COLEC10: variants seen among roughly 807,000 people sequenced by gnomAD.
COLEC10 encodes collectin subfamily member 10, also known as collectin-10.
Under a neutral mutation model 28.4 loss-of-function variants are expected in COLEC10, and 22 were observed. The ratio of observed to expected loss-of-function variants is 0.78; its 90% CI spans 0.55 to 1.11. The LOEUF is 1.11. COLEC10 is among the 50% of genes least tolerant of loss of function. COLEC10 has a pLI of 0.00. For missense variants in COLEC10, 361 were observed against 344.1 expected, an observed-to-expected ratio of 1.05 and a Z score of -0.39; for synonymous variants, 125 against 116.1, an observed-to-expected ratio of 1.08 and a Z score of -0.49.
the COLEC10 span, among the ~76,000 whole-genome samples, chr8:118,982,335 C>T: frequency 1.3e-5 from 2 of 152,056 alleles, no homozygotes; most frequent in Non-Finnish European, 2.9e-5. Context: ...AAAAGAAAAA[C>T]TCAAAATGAA....
chr8:119,089,853 C>A, intron 2 of COLEC10, 102 bp downstream of exon 2: 1 of 840,908 alleles, frequency 1.2e-6, no homozygotes, highest in Non-Finnish European at 1.9e-6. Flanking sequence ...ATGCCCTCTG[C>A]CCCAACAATG....
chr8:119,092,457 C>T (rs1245397537), intron 3 of COLEC10, among the ~76,000 whole-genome samples: 2 of 152,158 alleles, frequency 1.3e-5, no homozygotes, highest in African/African-American at 4.8e-5. Context: ...CCCTGTCCTC[C>T]TCTCAGAAAG....
chr8:118,958,868 T>C, the COLEC10 span, among the ~76,000 whole-genome samples: 1 of 152,224 alleles, frequency 6.6e-6, no homozygotes, highest in Non-Finnish European at 1.5e-5. Flanking sequence ...ATCATTATAC[T>C]AACCAAGTAT....
intron 2 of COLEC10, among the ~76,000 whole-genome samples, chr8:119,021,331 A>G (rs1328329340): frequency 6.6e-6 from 1 of 152,208 alleles, no homozygotes; most frequent in Non-Finnish European, 1.5e-5. Context: ...GCTGTGTAGC[A>G]CTGCAGACTT....
At chr8:119,096,080 A>G (rs1815710539) in intron 3 of COLEC10, among the ~76,000 whole-genome samples, 1 of 152,178 alleles carries the variant, frequency 6.6e-6, no homozygotes, top group Non-Finnish European at 1.5e-5. Context: ...TCTCGATCCC[A>G]TACTTAACAC....
chr8:119,045,157 T>C (rs1214030869), intron 2 of COLEC10, among the ~76,000 whole-genome samples: 1 of 152,220 alleles, frequency 6.6e-6, no homozygotes, highest in Non-Finnish European at 1.5e-5. Context: ...ATAAGTAACG[T>C]AAAGAATTAT....
At chr8:119,013,497 G>C (rs1170456350) in intron 2 of COLEC10, among the ~76,000 whole-genome samples, 1 of 150,666 alleles carries the variant, frequency 6.6e-6, no homozygotes, top group South Asian at 2.1e-4. Context: ...TAGTGTGGTT[G>C]AGTTCAACTC....
chr8:119,090,092 T>C (rs1292438900), intron 2 of COLEC10, among the ~76,000 whole-genome samples: 1 of 37,218 alleles, frequency 2.7e-5, no homozygotes, highest in East Asian at 5.7e-4. Context: ...TAAGCAGCAT[T>C]TTTTTTTTAA....
intron 1 of COLEC10, among the ~76,000 whole-genome samples, chr8:119,007,613 A>T (rs1813827777): frequency 6.6e-6 from 1 of 151,234 alleles, no homozygotes; most frequent in Non-Finnish European, 1.5e-5. Flanking sequence ...CCAATTGTCC[A>T]AACTTTCAAC....
At chr8:118,977,799 T>C in the COLEC10 span, among the ~76,000 whole-genome samples, 50 of 151,598 alleles carry the variant, frequency 3.3e-4, no homozygotes, top group African/African-American at 1.1e-3. Context: ...TATATATATA[T>C]ACAAATTACT....
chr8:118,982,713 C>T, the COLEC10 span: 1 of 156,378 alleles, frequency 6.4e-6, no homozygotes, highest in Non-Finnish European at 1.4e-5. Flanking sequence ...GCTACAGTGG[C>T]ATCAACTGGA....
chr8:119,068,602 C>G (rs954608240), intron 1 of COLEC10: 2 of 152,148 alleles, frequency 1.3e-5, no homozygotes, highest in African/African-American at 4.8e-5. Context: ...CTTGTCCCTG[C>G]AAATGGGAGA....
At chr8:119,069,175 T>C (rs1294229262) in intron 1 of COLEC10, among the ~76,000 whole-genome samples, 2 of 152,046 alleles carry the variant, frequency 1.3e-5, no homozygotes, top group Non-Finnish European at 2.9e-5. Flanking sequence ...TGCTTTTTCT[T>C]TGAAAATTTC....
In COLEC10 at chr8:119,089,699, A is replaced by G. The variant is rs16891987; in HGVS notation, c.168A>G (p.Gly56=). The stretch of plus-strand genomic sequence containing the variant: ...CAAAAGGAGATGATGGTGAAAAAGG[A>G]GATCCAGGAGAAGAGGGAAAGCATG... ...PGPKGDDGEK[G]DPGEEGKHGK... Residue 56 remains glycine (G), a synonymous_variant, in exon 2 of 6, where the codon GGA becomes GGG. Coordinates refer to ENST00000332843, the MANE Select transcript of COLEC10 (RefSeq NM_006438.5). The G allele has an allele frequency of 0.029, 47,042 of 1,613,136 alleles. 836 individuals carry two copies. The highest frequency in any genetic ancestry group is 0.063 in the African/African-American group (4,759 of 75,012).
chr8:118,989,534 TACACAC>T, the COLEC10 span, among the ~76,000 whole-genome samples: 2,911 of 128,686 alleles, frequency 0.023, 38 homozygotes, highest in South Asian at 0.059. Flanking sequence ...ACAGACAAAA[TACACAC>T]ACACACACAC....
intron 3 of COLEC10, among the ~76,000 whole-genome samples, chr8:119,099,609 A>G (rs1310608396): frequency 6.7e-6 from 1 of 150,244 alleles, no homozygotes; most frequent in Non-Finnish European, 1.5e-5. Context: ...TGGTGTTCCC[A>G]TTTGTCATGA....
At chr8:119,061,578 C>T (rs892319918) in intron 2 of COLEC10, among the ~76,000 whole-genome samples, 1 of 151,984 alleles carries the variant, frequency 6.6e-6, no homozygotes, top group African/African-American at 2.4e-5. Flanking sequence ...CTTTATACCT[C>T]AGGGTAAAAA....
intron 2 of COLEC10, among the ~76,000 whole-genome samples, chr8:119,058,251 T>A (rs76528201): frequency 1.3e-5 from 2 of 151,740 alleles, no homozygotes; most frequent in Non-Finnish European, 2.9e-5. Context: ...GGTTTGAGGG[T>A]TTTTTTTACA....
the COLEC10 span, among the ~76,000 whole-genome samples, chr8:118,959,700 C>G: frequency 1.3e-5 from 2 of 152,152 alleles, no homozygotes; most frequent in Admixed American, 1.3e-4. Flanking sequence ...CTACATGAAA[C>G]TATAAACTAG....
Sources: allele counts gnomAD v4.1 joint callset (sites outside exome capture counted in the v4.1 genomes callset), GRCh38; gene constraint gnomAD v4.1.1; transcripts MANE v1.5; gene names NCBI Gene and HGNC (gene_info 2026-07-23, HGNC 2026-07-21).